The following SEMA6D variants were observed in gnomAD, a reference collection of about 807,000 sequenced individuals.
The protein encoded by SEMA6D is semaphorin 6D.
A neutral mutation model predicts 106.6 loss-of-function variants in SEMA6D; 35 were observed. That is an observed-to-expected ratio of 0.33 (90% confidence interval 0.25 to 0.44). The LOEUF is 0.44. SEMA6D is among the 20% of genes least tolerant of loss of function. The pLI is 1.00. For synonymous variants in SEMA6D, 499 were observed against 487.7 expected, an observed-to-expected ratio of 1.02 and a Z score of -0.31; for missense variants, 1,185 against 1,345.9, an observed-to-expected ratio of 0.88 and a Z score of 1.87.
At chr15:47,745,134 A>G (rs1417933513) in intron 1 of SEMA6D, among the ~76,000 whole-genome samples, 1 of 152,226 alleles carries the variant, frequency 6.6e-6, no homozygotes, top group African/African-American at 2.4e-5. Flanking sequence ...AAGGGTTTGA[A>G]GCGTAATTAT....
intron 1 of SEMA6D, among the ~76,000 whole-genome samples, chr15:47,188,018 T>C (rs1187099319): frequency 1.3e-5 from 2 of 152,182 alleles, no homozygotes. Flanking sequence ...ATAAGAGAGT[T>C]TCATGGTGTC....
intron 1 of SEMA6D, among the ~76,000 whole-genome samples, chr15:47,275,536 A>G (rs8040886): frequency 0.62 from 94,670 of 151,782 alleles, 29,988 homozygotes; most frequent in East Asian, 0.92. Flanking sequence ...GGTGATCTGT[A>G]ATCAGTGATC....
intron 1 of SEMA6D, among the ~76,000 whole-genome samples, chr15:47,338,160 T>C (rs1162767701): frequency 3.3e-5 from 5 of 152,184 alleles, no homozygotes; most frequent in African/African-American, 2.4e-5. Flanking sequence ...AAAATGTCCC[T>C]TCCAAAGGGG....
At chr15:47,716,251 A>G (rs1381892938), upstream of SEMA6D, among the ~76,000 whole-genome samples, 1 of 152,174 alleles carries the variant, frequency 6.6e-6, no homozygotes, top group Non-Finnish European at 1.5e-5. Context: ...TGGGTTACAC[A>G]GTGTTAACTA....
chr15:47,494,792 T>A (rs1480991560), intron 3 of SEMA6D, among the ~76,000 whole-genome samples: 4 of 64,678 alleles, frequency 6.2e-5, no homozygotes, highest in African/African-American at 1.8e-4. Flanking sequence ...ATATATATAA[T>A]CTCCAGATAC....
chr15:47,187,223 T>G (rs543377158), intron 1 of SEMA6D, among the ~76,000 whole-genome samples: 1 of 152,332 alleles, frequency 6.6e-6, no homozygotes, highest in South Asian at 2.1e-4. Flanking sequence ...GATTATCTTC[T>G]TAAAGATACA....
intron 2 of SEMA6D, among the ~76,000 whole-genome samples, chr15:47,466,047 T>G (rs1361722770): frequency 6.6e-6 from 1 of 152,158 alleles, no homozygotes; most frequent in Non-Finnish European, 1.5e-5. Flanking sequence ...AAATAAAAAT[T>G]GTATGTATTC....
intron 1 of SEMA6D, among the ~76,000 whole-genome samples, chr15:47,239,926 G>A (rs1312859326): frequency 6.6e-6 from 1 of 152,134 alleles, no homozygotes; most frequent in East Asian, 1.9e-4. Flanking sequence ...AAATGGGGTG[G>A]TAATATTTAT....
At chr15:47,407,189 A>G (rs1595920540) in intron 1 of SEMA6D, among the ~76,000 whole-genome samples, 1 of 151,798 alleles carries the variant, frequency 6.6e-6, no homozygotes, top group Admixed American at 6.6e-5. Flanking sequence ...TGGTGAAACC[A>G]TGTCTCTACT....
chr15:47,723,953 A>T (rs1454222846), intron 1 of SEMA6D, among the ~76,000 whole-genome samples: 1 of 152,242 alleles, frequency 6.6e-6, no homozygotes, highest in Non-Finnish European at 1.5e-5. Context: ...GAACTGGCAC[A>T]TAAGAACCAG....
intron 4 of SEMA6D, among the ~76,000 whole-genome samples, chr15:47,701,480 A>C (rs560257016): frequency 6.6e-6 from 1 of 152,164 alleles, no homozygotes. Context: ...AATGAATTCT[A>C]TTCTTGCAAA....
intron 1 of SEMA6D, among the ~76,000 whole-genome samples, chr15:47,269,415 C>A (rs1902129): frequency 0.99 from 150,559 of 152,026 alleles, 74,561 homozygotes; most frequent in Middle Eastern, 1. Context: ...TAAGGTAAAG[C>A]AGCTAAACAT....
intron 1 of SEMA6D, among the ~76,000 whole-genome samples, chr15:47,266,629 A>G (rs1326303828): frequency 6.6e-6 from 1 of 152,078 alleles, no homozygotes; most frequent in Non-Finnish European, 1.5e-5. Flanking sequence ...AGAAGAAGGG[A>G]ACCCCTATTT....
intron 1 of SEMA6D, among the ~76,000 whole-genome samples, chr15:47,233,704 T>C (rs868542597): frequency 6.6e-6 from 1 of 152,060 alleles, no homozygotes; most frequent in East Asian, 1.9e-4. Context: ...TTTCTTAATT[T>C]TCTTTTCACA....
intron 3 of SEMA6D, among the ~76,000 whole-genome samples, chr15:47,574,849 GA>G (rs2076129168): frequency 6.6e-6 from 1 of 152,056 alleles, no homozygotes; most frequent in South Asian, 2.1e-4. Flanking sequence ...ACATTATTAA[GA>G]ATAATCAATA....
chr15:47,279,587 G>C (rs1395967362), intron 1 of SEMA6D, among the ~76,000 whole-genome samples: 2 of 149,618 alleles, frequency 1.3e-5, no homozygotes, highest in East Asian at 2.0e-4. Flanking sequence ...GTGAGAGAGG[G>C]CATCCCTGTC....
At chr15:47,721,344 G>A (rs933169205) in intron 1 of SEMA6D, among the ~76,000 whole-genome samples, 3 of 152,160 alleles carry the variant, frequency 2.0e-5, no homozygotes, top group Admixed American at 6.5e-5. Flanking sequence ...TGTAATTCAC[G>A]CATTGAATCT....
chr15:47,537,567 A>G (rs935107160), intron 3 of SEMA6D, among the ~76,000 whole-genome samples: 21 of 152,194 alleles, frequency 1.4e-4, no homozygotes, highest in African/African-American at 5.1e-4. Flanking sequence ...TTGTTTATGT[A>G]TACAGAATGA....
intron 1 of SEMA6D, among the ~76,000 whole-genome samples, chr15:47,298,556 A>G (rs1372661329): frequency 1.3e-5 from 2 of 152,180 alleles, no homozygotes; most frequent in African/African-American, 4.8e-5. Flanking sequence ...AGCCTTTCAT[A>G]GAAGTCATTG....
Sources: gnomAD v4.1 joint callset for allele counts (sites outside exome capture counted in the v4.1 genomes callset) on GRCh38, gnomAD v4.1.1 for gene constraint, MANE v1.5 for transcripts, NCBI Gene and HGNC (gene_info 2026-07-23, HGNC 2026-07-21) for gene names.